RFX7: variants seen among roughly 807,000 people sequenced by gnomAD.
RFX7 encodes the protein DNA-binding protein RFX7.
In RFX7, 26 loss-of-function variants were observed where a neutral mutation model predicts 111.8. The observed-to-expected ratio is 0.23, with a 90% confidence interval of 0.17 to 0.32. The LOEUF (loss-of-function observed/expected upper bound fraction) is 0.32. Ranked by LOEUF, RFX7 falls within the 10% of genes least tolerant of loss-of-function variation. RFX7 has a pLI of 1.00. For missense variants in RFX7, 1,573 were observed against 1,772.9 expected, an observed-to-expected ratio of 0.89 and a Z score of 2.02; for synonymous variants, 624 against 624.4, an observed-to-expected ratio of 1.00 and a Z score of 0.01.
chr15:56,115,929 C>T (rs1013737823), intron 5 of RFX7, among the ~76,000 whole-genome samples: 11 of 145,888 alleles, frequency 7.5e-5, no homozygotes, highest in African/African-American at 2.3e-4. Context: ...GCCAACAGAG[C>T]GAGACTCCGT....
intron 5 of RFX7, among the ~76,000 whole-genome samples, chr15:56,134,182 T>C (rs1410194322): frequency 6.6e-6 from 1 of 152,170 alleles, no homozygotes; most frequent in East Asian, 1.9e-4. Flanking sequence ...CCCTCACTAG[T>C]TTTGTCACAC....
chr15:56,093,839 T>G lies in RFX7; in HGVS notation c.3889A>C (p.Asn1297His), dbSNP rs1481738110. 6 of 1,613,820 alleles carry G rather than the reference T, an allele frequency of 3.7e-6. No homozygotes were observed. The Admixed American group carries it at 1.0e-4, about 27-fold the overall frequency. ...CTGGAATCGATCATATTTTGTGGGTTGGCACTAGGAAAAACAGTGGAAGGT... is the reference window on the plus strand; with the variant it reads ...CTGGAATCGATCATATTTTGTGGGTGGGCACTAGGAAAAACAGTGGAAGGT... ...LEPSTVFPSA[N>H]PQNMIDSSTS... The change falls in exon 10 of 10, where the codon AAC becomes CAC. Residue 1297 changes from asparagine to histidine, a missense_variant. By Grantham distance (68) the Asn-to-His change is moderately conservative (BLOSUM62 1). This residue lies in a region of RFX7 where 411 missense variants were observed against 478.1 expected (regional missense o/e 0.86). Coordinates refer to ENST00000559447, the MANE Select transcript of RFX7 (RefSeq NM_022841.7).
At chr15:56,112,527 T>A (rs988970649) in intron 5 of RFX7, among the ~76,000 whole-genome samples, 6 of 151,960 alleles carry the variant, frequency 3.9e-5, no homozygotes, top group Non-Finnish European at 7.4e-5. Context: ...AAGACTTAAA[T>A]GTAAAACCCA....
At chr15:56,245,038 T>G (rs2043814859), upstream of RFX7, among the ~76,000 whole-genome samples, 1 of 152,158 alleles carries the variant, frequency 6.6e-6, no homozygotes, top group Non-Finnish European at 1.5e-5. Flanking sequence ...CAGCTTTAAC[T>G]TTTCTGATAG....
In RFX7 at chr15:56,131,279, T is replaced by G. The variant is rs1336763876; in HGVS notation, c.401+11499A>C. Among the ~76,000 whole-genome samples, 3 of 108,462 alleles carry G rather than the reference T, an allele frequency of 2.8e-5. No individual in the cohort carries two copies. The East Asian group carries it at 1.9e-3, about 69-fold the overall frequency. The allele number at this position is 108,462 out of a possible 152,430, so 71.2% of individuals were successfully genotyped here. On this transcript the variant is annotated intron_variant, in intron 5 of 9. Transcript: ENST00000559447. ...GAGATTATATTAGGTATCTTTTTTT[T>G]TTTTTTTTTTTTTTTTTGAGACAGG...
chr15:56,207,520 A>G (rs2141192017), intron 2 of RFX7, among the ~76,000 whole-genome samples: 1 of 152,356 alleles, frequency 6.6e-6, no homozygotes, highest in East Asian at 1.9e-4. Context: ...AATTAACTCA[A>G]AATGGATCAC....
chr15:56,227,711 T>C (rs1156835735), intron 2 of RFX7, among the ~76,000 whole-genome samples: 3 of 152,216 alleles, frequency 2.0e-5, no homozygotes, highest in Non-Finnish European at 4.4e-5. Flanking sequence ...CTGTACTCAA[T>C]GAATACAGTG....
rs1383248282 is a variant in RFX7 at position 56,136,352 on chromosome 15, C to G, written c.401+6426G>C. On this transcript the variant is annotated intron_variant, in intron 5 of 9. Coordinates refer to ENST00000559447, the MANE Select transcript of RFX7 (RefSeq NM_022841.7). ...TTCACATCCCTTGTAAGTTGGATTC[C>G]TAGGTATTTTATTCTCTTTGAAGCA... 3.5e-5 allele frequency among the ~76,000 whole-genome samples: 5 copies of G among 142,772 alleles called. No individual in the cohort carries two copies. The East Asian group carries it at 6.1e-4, about 17-fold the overall frequency. The allele number at this position is 142,772 out of a possible 152,430, so 93.7% of individuals were successfully genotyped here.
chr15:56,240,987 T>G (rs1476629840), intron 2 of RFX7, among the ~76,000 whole-genome samples: 1 of 152,120 alleles, frequency 6.6e-6, no homozygotes, highest in African/African-American at 2.4e-5. Flanking sequence ...GGTATGACAC[T>G]ATTAAGTATA....
chr15:56,152,691 A>T (rs776066114), intron 3 of RFX7, among the ~76,000 whole-genome samples: 1 of 152,108 alleles, frequency 6.6e-6, no homozygotes, highest in Non-Finnish European at 1.5e-5. Context: ...AAGACATGAA[A>T]TAACTAAGAT....
At chr15:56,231,168 T>C (rs544405668) in intron 2 of RFX7, among the ~76,000 whole-genome samples, 10 of 152,270 alleles carry the variant, frequency 6.6e-5, no homozygotes, top group Admixed American at 2.0e-4. Context: ...ATATACAGCA[T>C]AGTGCAGTGG....
intron 5 of RFX7, among the ~76,000 whole-genome samples, chr15:56,139,482 C>A (rs558655068): frequency 1.1e-3 from 164 of 152,306 alleles, no homozygotes; most frequent in African/African-American, 3.9e-3. Flanking sequence ...CCTTTAAGCA[C>A]TTCTCTGTAT....
At chr15:56,225,897 T>A (rs1474296604) in intron 2 of RFX7, among the ~76,000 whole-genome samples, 1 of 152,176 alleles carries the variant, frequency 6.6e-6, no homozygotes, top group Non-Finnish European at 1.5e-5. Context: ...TGTTAACTTC[T>A]CAGATTCTAA....
chr15:56,186,535 G>A (rs1263963866), intron 2 of RFX7, among the ~76,000 whole-genome samples: 1 of 152,022 alleles, frequency 6.6e-6, no homozygotes, highest in Non-Finnish European at 1.5e-5. Flanking sequence ...GGAGTGTGGG[G>A]TGAAAATCCT....
rs1248670308 is a variant in RFX7 at position 56,093,578 on chromosome 15, T to C, written c.4150A>G (p.Ile1384Val). Reference sequence around the variant, plus strand: ...CCTGAGAGCTCAGAAGACAACCTGATATCGCTAGAGAAATCAGATGCAGTA... The same window carrying C: ...CCTGAGAGCTCAGAAGACAACCTGACATCGCTAGAGAAATCAGATGCAGTA... ...TNTASDFSSD[I>V]RLSSELSGSI... is the part of the protein sequence containing the mutation. The change falls in exon 10 of 10, where the codon ATC becomes GTC. Residue 1384 changes from isoleucine (I) to valine (V), a missense_variant. Around this residue, in one of 7 missense-constraint regions of RFX7, gnomAD observed 411 missense variants for 478.1 expected, o/e 0.86. Transcript: ENST00000559447. The C allele has an allele frequency of 3.7e-6, 6 of 1,613,644 alleles. No homozygotes were observed. The highest frequency in any genetic ancestry group is 5.1e-6 in the Non-Finnish European group (6 of 1,179,718).
chr15:56,143,806 C>G (rs933481342), intron 4 of RFX7, among the ~76,000 whole-genome samples: 1 of 151,974 alleles, frequency 6.6e-6, no homozygotes, highest in Non-Finnish European at 1.5e-5. Context: ...GAATGATAAG[C>G]ATAATTTATA....
intron 5 of RFX7, among the ~76,000 whole-genome samples, chr15:56,104,032 A>C (rs763519115): frequency 7.2e-5 from 11 of 152,210 alleles, no homozygotes; most frequent in South Asian, 2.1e-4. Flanking sequence ...TACTGGGATA[A>C]TTTCCAATAT....
chr15:56,097,635 T>C (rs1465839674), intron 9 of RFX7, among the ~76,000 whole-genome samples: 1 of 149,218 alleles, frequency 6.7e-6, no homozygotes, highest in East Asian at 2.0e-4. Context: ...TAATCCCAGT[T>C]ACTCGGGAGG....
intron 2 of RFX7, among the ~76,000 whole-genome samples, chr15:56,237,639 C>T (rs576538545): frequency 5.3e-5 from 8 of 152,164 alleles, no homozygotes; most frequent in Non-Finnish European, 1.0e-4. Context: ...CAAATCAGTC[C>T]TGCACATACC....
Sources: gnomAD v4.1 joint callset for allele counts (sites outside exome capture counted in the v4.1 genomes callset) on GRCh38, gnomAD v4.1.1 for gene constraint, gnomAD v4.1.1 regional missense constraint, MANE v1.5 for transcripts, NCBI Gene and HGNC (gene_info 2026-07-23, HGNC 2026-07-21) for gene names.